Variants in CD163L1 observed in about 807,000 individuals in gnomAD.
The protein encoded by CD163L1 is CD163 molecule like 1.
A neutral mutation model predicts 165.4 loss-of-function variants in CD163L1; 124 were observed. That is an observed-to-expected ratio of 0.75 (90% CI 0.65 to 0.87). The LOEUF is 0.87. Ranked by LOEUF, CD163L1 falls within the 40% of genes least tolerant of loss-of-function variation. The pLI, the probability that CD163L1 is intolerant of heterozygous loss-of-function variation, is 0.00. For missense variants in CD163L1, 1,525 were observed against 1,799.9 expected (o/e 0.85, Z 2.76); for synonymous variants, 585 against 662.2 (o/e 0.88, Z 1.79).
intron 4 of CD163L1, among the ~76,000 whole-genome samples, chr12:7,424,673 C>G (rs761662778): frequency 1.3e-5 from 2 of 152,170 alleles, no homozygotes; most frequent in Non-Finnish European, 2.9e-5. Context: ...AAATCACAAG[C>G]ATTCCTATAC....
chr12:7,409,242 A>G (rs1217809374), intron 4 of CD163L1, among the ~76,000 whole-genome samples: 2 of 152,208 alleles, frequency 1.3e-5, no homozygotes, highest in African/African-American at 4.8e-5. Flanking sequence ...AAATCTCCTC[A>G]TAAAGTAAGT....
chr12:7,437,898 TA>T (rs543607004), intron 2 of CD163L1, among the ~76,000 whole-genome samples: 1,456 of 137,484 alleles, frequency 0.011, 15 homozygotes, highest in African/African-American at 0.031. Context: ...TTTATTATTA[TA>T]AAAAAAAAAA....
At chr12:7,328,031 A>G in the CD163L1 span, among the ~76,000 whole-genome samples, 1 of 152,250 alleles carries the variant, frequency 6.6e-6, no homozygotes, top group East Asian at 1.9e-4. Flanking sequence ...GGGGAAAGCA[A>G]TGGGGTAAAG....
Position 7,421,095 on chromosome 12 carries a change from A to ACG in CD163L1, c.766+11320_766+11321insCG, listed in dbSNP as rs1555202111. Among the ~76,000 whole-genome samples the ACG allele has an allele frequency of 5.5e-5, 6 of 109,658 alleles. No homozygotes were observed. The East Asian group carries it at 1.3e-3, about 23-fold the overall frequency. The allele number at this position is 109,658 out of a possible 152,430, so 71.9% of individuals were successfully genotyped here. On this transcript the variant is annotated intron_variant, in intron 4 of 19. Transcript: ENST00000313599. Reference sequence around the variant, plus strand: ...TATACGTATATATATACGTATATATATGTATATATACATTTGGAAGAAAAT... The same window carrying ACG: ...TATACGTATATATATACGTATATATACGTGTATATATACATTTGGAAGAAAAT...
At position 7,421,363 on chromosome 12, in the gene CD163L1, ATATG is replaced by A. The variant is rs1397205523; in HGVS notation, c.766+11049_766+11052del. ...CTTCCAAATGTATATATATGTGTATATATGTATATATACATTTGGAAGATATATA... is the reference window on the plus strand; with the variant it reads ...CTTCCAAATGTATATATATGTGTATATATATATACATTTGGAAGATATATA... On this transcript the variant is annotated intron_variant, in intron 4 of 19. Coordinates refer to ENST00000313599, the MANE Select transcript of CD163L1 (RefSeq NM_174941.6). Among the ~76,000 whole-genome samples the A allele has an allele frequency of 2.8e-5, 3 of 107,746 alleles. 1 individual carries two copies. The highest frequency in any genetic ancestry group is 5.5e-5 in the Non-Finnish European group (3 of 54,576). 70.7% of individuals were successfully genotyped at this position (107,746 alleles called of 152,430 possible). A position where few individuals can be genotyped will look rare whatever the true frequency, so the allele number is the denominator to read the frequency against.
chr12:7,405,181 T>G (rs1285836282), intron 5 of CD163L1, among the ~76,000 whole-genome samples: 1 of 152,154 alleles, frequency 6.6e-6, no homozygotes, highest in Non-Finnish European at 1.5e-5. Flanking sequence ...TAGCAACTGG[T>G]CTGACAGTTA....
rs776654924 is a variant in CD163L1 at position 7,433,838 on chromosome 12, T to G, written c.125-144A>C. ...AGAGAGAAAATAAAAATGAGAAAAT[T>G]TGAAGTGAGAAGCTTTAATTTTTCA... On this transcript the variant is annotated intron_variant, in intron 2 of 19. Coordinates refer to ENST00000313599, the MANE Select transcript of CD163L1 (RefSeq NM_174941.6). 8.1e-6 allele frequency: 5 copies of G among 615,726 alleles called. No homozygotes were observed. In the East Asian group the frequency reaches 1.5e-4, roughly 18 times the overall value. The allele number at this position is 615,726 out of a possible 1,614,324, so 38.1% of individuals were successfully genotyped here.
Position 7,398,884 on chromosome 12 carries a change from GAGA to G in CD163L1, c.1409-303_1409-301del, listed in dbSNP as rs1479902167. ...AAGATGAGCAACGTGGAAGCATGCA[GAGA>G]AGTTCTTTGAGGTATGGATACATTC... On this transcript the variant is annotated intron_variant, in intron 6 of 19. Transcript: ENST00000313599. The surrounding 1 kb of genome is among the most constrained non-coding windows in gnomAD (Gnocchi z 4.5). Among the ~76,000 whole-genome samples, 1 of 152,164 alleles carries G rather than the reference GAGA, an allele frequency of 6.6e-6. No homozygotes were observed. The highest frequency in any genetic ancestry group is 1.5e-5 in the Non-Finnish European group (1 of 68,018).
In CD163L1 at chr12:7,368,151, C is replaced by G; in HGVS notation, c.4119G>C (p.Leu1373=). Residue 1373 remains leucine, a synonymous_variant, in exon 17 of 20, where the codon CTG becomes CTC. Coordinates refer to ENST00000313599, the MANE Select transcript of CD163L1 (RefSeq NM_174941.6). The surrounding 1 kb of genome is among the most constrained non-coding windows in gnomAD (Gnocchi z 4.3). ...ILSSIFGLLL[L]VLFILFLTWC... Reference sequence around the variant, plus strand: ...ACGTGAGAAATAGAATAAACAGAACCAGGAGAAGGAGCCCAAAGATACTGG... The same window carrying G: ...ACGTGAGAAATAGAATAAACAGAACGAGGAGAAGGAGCCCAAAGATACTGG... The G allele has an allele frequency of 6.2e-7, 1 of 1,612,512 alleles. No individual in the cohort carries two copies. The highest frequency in any genetic ancestry group is 8.5e-7 in the Non-Finnish European group (1 of 1,178,768).
Position 7,433,362 on chromosome 12 carries a change from T to C in CD163L1, c.445+12A>G, listed in dbSNP as rs774678234. 1 of 1,571,050 alleles carries C rather than the reference T, an allele frequency of 6.4e-7. No individual in the cohort carries two copies. The highest frequency in any genetic ancestry group is 2.2e-5 in the East Asian group (1 of 44,586). On this transcript the variant is annotated intron_variant, in intron 3 of 19. Transcript: ENST00000313599. ...GTCTTACCTTGCCTTCCTACTCTAG[T>C]TAGACTCTTACCATAACAGTTCACA...
intron 4 of CD163L1, among the ~76,000 whole-genome samples, chr12:7,419,489 TA>T (rs1490272154): frequency 2.0e-5 from 3 of 151,228 alleles, no homozygotes; most frequent in African/African-American, 7.3e-5. Flanking sequence ...TTGAACATAG[TA>T]CTGAAAGCCT....
intron 18 of CD163L1, among the ~76,000 whole-genome samples, chr12:7,365,968 G>A (rs1410104080): frequency 3.3e-5 from 5 of 152,100 alleles, no homozygotes; most frequent in African/African-American, 1.2e-4. Context: ...CATGTTTATT[G>A]CAGCACTATT....
chr12:7,421,536 T>C (rs942879317), intron 4 of CD163L1, among the ~76,000 whole-genome samples: 2 of 130,704 alleles, frequency 1.5e-5, no homozygotes, highest in Admixed American at 7.7e-5. Context: ...TATATACATA[T>C]ACGTACACAT....
At chr12:7,341,879 T>C (rs1287838027), downstream of CD163L1, among the ~76,000 whole-genome samples, 1 of 152,164 alleles carries the variant, frequency 6.6e-6, no homozygotes, top group African/African-American at 2.4e-5. Context: ...TATCGATGTT[T>C]ATATTGAAAA....
chr12:7,323,358 AC>A, the CD163L1 span: 331 of 1,595,294 alleles, frequency 2.1e-4, no homozygotes, highest in Middle Eastern at 3.3e-4. Flanking sequence ...AGGAGAGAGA[AC>A]GTTTTCCTTT....
At chr12:7,342,965 C>A (rs971916029), downstream of CD163L1, among the ~76,000 whole-genome samples, 1 of 152,182 alleles carries the variant, frequency 6.6e-6, no homozygotes, top group African/African-American at 2.4e-5. Context: ...CCAATTTATA[C>A]CTGTTTACCT....
chr12:7,436,426 T>C (rs906504742), intron 2 of CD163L1, among the ~76,000 whole-genome samples: 16 of 152,168 alleles, frequency 1.1e-4, no homozygotes, highest in Non-Finnish European at 2.4e-4. Context: ...AAATAAAGCA[T>C]TCAATTAAAA....
intron 4 of CD163L1, among the ~76,000 whole-genome samples, chr12:7,410,701 G>C (rs1591940650): frequency 6.7e-6 from 1 of 150,188 alleles, no homozygotes; most frequent in African/African-American, 2.5e-5. Context: ...ATGATGGCAC[G>C]TGCCTGTAGT....
intron 2 of CD163L1, chr12:7,439,914 G>A (rs1948794267): frequency 5.6e-6 from 9 of 1,599,874 alleles, no homozygotes; most frequent in Non-Finnish European, 7.7e-6. Context: ...CTTCGACTTC[G>A]GCCAACTCCT....
Sources: gnomAD v4.1 joint callset for allele counts (sites outside exome capture counted in the v4.1 genomes callset) on GRCh38, gnomAD v4.1.1 for gene constraint, Gnocchi (gnomAD v3.1) non-coding constraint, MANE v1.5 for transcripts, NCBI Gene and HGNC (gene_info 2026-07-23, HGNC 2026-07-21) for gene names.